SYTL5: variants seen among roughly 807,000 people sequenced by gnomAD.
SYTL5 encodes synaptotagmin like 5, also known as synaptotagmin-like protein 5.
In SYTL5, 34 loss-of-function variants were observed where a neutral mutation model predicts 55.9. That is an observed-to-expected ratio of 0.61 (90% CI 0.46 to 0.81). The LOEUF (loss-of-function observed/expected upper bound fraction) is 0.81. Among genes scored for constraint, SYTL5 ranks in the 30% least tolerant of loss-of-function variants. The pLI is 0.00. For synonymous variants in SYTL5, 221 were observed against 188.7 expected (o/e 1.17, Z -1.40); for missense variants, 637 against 546.7 (o/e 1.17, Z -1.65).
At position 38,015,050 on chromosome X, in the gene SYTL5, T is replaced by G. The variant is rs372140954; in HGVS notation, c.-357+8382T>G. Reference sequence around the variant, plus strand: ...CCAGAGATTTATTTTCCTTTCACAATGTAAAGATTGTACTGTTCATATATG... The same window carrying G: ...CCAGAGATTTATTTTCCTTTCACAAGGTAAAGATTGTACTGTTCATATATG... On this transcript the variant is annotated intron_variant, in intron 1 of 16. Coordinates refer to ENST00000297875, the MANE Select transcript of SYTL5 (RefSeq NM_138780.3). Among the ~76,000 whole-genome samples the G allele has an allele frequency of 3.5e-4, 39 of 112,286 alleles. No individual in the cohort carries two copies. The South Asian group carries it at 0.014, about 41-fold the overall frequency.
chrX:37,942,287 T>C, the SYTL5 span, among the ~76,000 whole-genome samples: 1 of 112,095 alleles, frequency 8.9e-6, no homozygotes, highest in Admixed American at 9.5e-5. Context: ...TAATTTTACC[T>C]GCTGTCATCT....
Position 38,089,604 on chromosome X carries a change from G to T in SYTL5, c.831+17G>T. ...ATCAGTAGAGTAAGTACACAAACCT[G>T]ATGAACACCGTATTAGTTCATTCTC... On this transcript the variant is annotated intron_variant, in intron 7 of 16. Coordinates refer to ENST00000297875, the MANE Select transcript of SYTL5 (RefSeq NM_138780.3). 8.4e-7 allele frequency: 1 copy of T among 1,197,289 alleles called. No individual in the cohort carries two copies. Among genetic ancestry groups the T allele is most frequent in the South Asian group, 1.8e-5 (1 of 54,448 alleles).
chrX:37,934,969 A>T, the SYTL5 span, among the ~76,000 whole-genome samples: 6 of 111,006 alleles, frequency 5.4e-5, no homozygotes, highest in African/African-American at 2.0e-4. Context: ...AAACTTCACA[A>T]ATTCAATAAA....
intron 2 of SYTL5, among the ~76,000 whole-genome samples, chrX:38,050,938 T>G (rs1935606923): frequency 8.9e-6 from 1 of 112,390 alleles, no homozygotes; most frequent in Non-Finnish European, 1.9e-5. Flanking sequence ...CATTGGCCAG[T>G]GTGAGTCACA....
intron 6 of SYTL5, among the ~76,000 whole-genome samples, chrX:38,082,000 A>T (rs1313717266): frequency 3.6e-5 from 4 of 111,735 alleles, no homozygotes; most frequent in Non-Finnish European, 7.5e-5. Flanking sequence ...CCTCCCTCCC[A>T]AACTGCTCTC....
the SYTL5 span, chrX:37,994,710 A>G: frequency 8.6e-5 from 9 of 104,323 alleles, no homozygotes; most frequent in Non-Finnish European, 1.6e-4. Flanking sequence ...GGAGGAGGAG[A>G]AGGAGGAGGA....
chrX:38,108,598 A>G lies in SYTL5; in HGVS notation c.1335-2A>G. 1.7e-6 allele frequency: 2 copies of G among 1,150,872 alleles called. No homozygotes were observed. Among genetic ancestry groups the G allele is most frequent in the Non-Finnish European group, 2.4e-6 (2 of 848,842 alleles). 94.8% of individuals were successfully genotyped at this position (1,150,872 alleles called of 1,213,427 possible). A position where few individuals can be genotyped will look rare whatever the true frequency, so the allele number is the denominator to read the frequency against. The stretch of plus-strand genomic sequence containing the variant: ...ATTACATTTATATTTTCTTATCTAT[A>G]GTTATGTCAAGTCATATCTTCTTCC... On this transcript the variant is annotated splice_acceptor_variant, in intron 11 of 16. Coordinates refer to ENST00000297875, the MANE Select transcript of SYTL5 (RefSeq NM_138780.3). LOFTEE classifies it high-confidence loss of function.
intron 1 of SYTL5, among the ~76,000 whole-genome samples, chrX:38,021,201 A>G (rs757417501): frequency 2.7e-5 from 3 of 111,743 alleles, no homozygotes; most frequent in Non-Finnish European, 5.6e-5. Context: ...GTCACTGATT[A>G]TCTAAGGGAT....
upstream of SYTL5, among the ~76,000 whole-genome samples, chrX:38,002,543 G>T (rs751304562): frequency 8.1e-4 from 90 of 111,577 alleles, no homozygotes; most frequent in African/African-American, 2.9e-3. Context: ...CCTGACTTTT[G>T]GATGATCGCC....
At chrX:38,105,708 A>G (rs190099483) in intron 10 of SYTL5, among the ~76,000 whole-genome samples, 8 of 112,124 alleles carry the variant, frequency 7.1e-5, no homozygotes, top group Non-Finnish European at 7.5e-5. Context: ...TTTAAAACTT[A>G]TGAATTTTTT....
the SYTL5 span, among the ~76,000 whole-genome samples, chrX:37,977,353 AAAG>A: frequency 2.7e-5 from 3 of 110,848 alleles, no homozygotes; most frequent in African/African-American, 9.8e-5. Context: ...CATCAAGGAG[AAAG>A]AAGGTGGCTT....
intron 13 of SYTL5, among the ~76,000 whole-genome samples, chrX:38,113,906 T>TC (rs751211520): frequency 4.5e-5 from 5 of 110,974 alleles, no homozygotes; most frequent in Non-Finnish European, 7.6e-5. Context: ...ACGTCAATAC[T>TC]CCCACGTTCT....
At chrX:38,054,928 G>C (rs1383006881) in intron 3 of SYTL5, among the ~76,000 whole-genome samples, 3 of 110,350 alleles carry the variant, frequency 2.7e-5, no homozygotes, top group African/African-American at 9.9e-5. Context: ...TGTTGTCCAG[G>C]CTGGTCTTGC....
intron 1 of SYTL5, among the ~76,000 whole-genome samples, chrX:38,016,504 C>A (rs1934359119): frequency 8.9e-6 from 1 of 111,865 alleles, no homozygotes; most frequent in African/African-American, 3.3e-5. Flanking sequence ...GAAATCTGGG[C>A]AGATGAGGGT....
intron 13 of SYTL5, among the ~76,000 whole-genome samples, chrX:38,118,279 G>T (rs1486064472): frequency 8.9e-6 from 1 of 111,860 alleles, no homozygotes; most frequent in African/African-American, 3.3e-5. Flanking sequence ...CCACCAGCAG[G>T]AAAGAAAAGG....
chrX:38,086,628 G>A (rs1254911637), intron 6 of SYTL5, among the ~76,000 whole-genome samples: 1 of 111,366 alleles, frequency 9.0e-6, no homozygotes, highest in Non-Finnish European at 1.9e-5. Context: ...CATTATAGCT[G>A]GATTAAAAAA....
the SYTL5 span, among the ~76,000 whole-genome samples, chrX:37,938,150 G>A: frequency 1.8e-5 from 2 of 112,288 alleles, no homozygotes; most frequent in African/African-American, 3.2e-5. Flanking sequence ...GGCTTGTCCA[G>A]GGAGATTTTT....
At chrX:38,016,721 C>T (rs931199931) in intron 1 of SYTL5, among the ~76,000 whole-genome samples, 3 of 111,610 alleles carry the variant, frequency 2.7e-5, no homozygotes, top group East Asian at 2.8e-4. Flanking sequence ...GTTCACCAAA[C>T]GTACAGGTAG....
chrX:37,952,878 G>A, the SYTL5 span, among the ~76,000 whole-genome samples: 9 of 111,344 alleles, frequency 8.1e-5, no homozygotes, highest in South Asian at 3.8e-4. Context: ...TTGACTGACT[G>A]AGATATGGAA....
Sources: allele counts gnomAD v4.1 joint callset (sites outside exome capture counted in the v4.1 genomes callset), GRCh38; gene constraint gnomAD v4.1.1; transcripts MANE v1.5; gene names NCBI Gene and HGNC (gene_info 2026-07-23, HGNC 2026-07-21).